Variants in GRIK2 observed in about 807,000 individuals in gnomAD.
GRIK2 encodes the protein glutamate ionotropic receptor kainate type subunit 2.
In GRIK2, 32 loss-of-function variants were observed where a neutral mutation model predicts 100.3. That is an observed-to-expected ratio of 0.32 (90% confidence interval 0.24 to 0.43). The LOEUF (loss-of-function observed/expected upper bound fraction) is 0.43, where lower values mean the gene tolerates loss of function less well. Ranked by LOEUF, GRIK2 falls within the 20% of genes least tolerant of loss-of-function variation. The probability of loss-of-function intolerance (pLI) is 1.00; values close to 1 mark genes in which losing one functional copy is unlikely to be tolerated. For synonymous variants in GRIK2, 417 were observed against 389.4 expected, an observed-to-expected ratio of 1.07 and a Z score of -0.83; for missense variants, 843 against 1,114.9, an observed-to-expected ratio of 0.76 and a Z score of 3.47.
In GRIK2 at chr6:101,841,096, C is replaced by A. The variant is rs188152035; in HGVS notation, c.1318-18191C>A. ...TTACATTGTTGGCAAGTATGATACT[C>A]CCTGACCTTGAAGAGAAACAAAACA... On this transcript the variant is annotated intron_variant, in intron 10 of 16. Coordinates refer to ENST00000369134, the MANE Select transcript of GRIK2 (RefSeq NM_021956.5). 1.3e-3 allele frequency among the ~76,000 whole-genome samples: 191 copies of A among 151,646 alleles called. 3 individuals carry two copies. The highest frequency in any genetic ancestry group is 4.5e-3 in the African/African-American group (183 of 40,970).
rs150512125 is a variant in GRIK2, at chr6:101,495,566, A to G, written c.115+96174A>G. 1.9e-3 allele frequency among the ~76,000 whole-genome samples: 293 copies of G among 152,242 alleles called. 2 individuals are homozygous for G. The highest frequency in any genetic ancestry group is 7.0e-3 in the African/African-American group (289 of 41,576). On this transcript the variant is annotated intron_variant, in intron 2 of 16. Transcript: ENST00000369134. ...CAGATAAAATTGGATTGGTTTCCAT[A>G]CATTATGCAAAGTTTGTTGACTTCC...
At position 101,924,616 on chromosome 6, in the gene GRIK2, G is replaced by A. The variant is rs1251348389; in HGVS notation, c.1764G>A (p.Glu588=). Residue 588 remains glutamate (E), a synonymous_variant, in exon 13 of 17, where the codon GAG becomes GAA. Transcript: ENST00000369134. The part of the protein sequence containing the change: ...LFVIARFSPY[E]WYNPHPCNPD... ...ATTACCACAGGTTTAGTCCTTATGAGTGGTATAATCCACACCCTTGCAACC... is the reference window on the plus strand; with the variant it reads ...ATTACCACAGGTTTAGTCCTTATGAATGGTATAATCCACACCCTTGCAACC... The A allele has an allele frequency of 1.3e-6, 2 of 1,562,306 alleles. No homozygotes were observed. Among genetic ancestry groups the A allele is most frequent in the Admixed American group, 1.7e-5 (1 of 59,920 alleles).
At chr6:101,811,840 CAAAT>C (rs1299439828) in intron 9 of GRIK2, among the ~76,000 whole-genome samples, 4 of 150,890 alleles carry the variant, frequency 2.7e-5, no homozygotes, top group Admixed American at 1.3e-4. Flanking sequence ...CAAAAATAAA[CAAAT>C]AAACAATAAA....
chr6:101,824,972 A>G lies in GRIK2; in HGVS notation c.1317+6489A>G, dbSNP rs185849831. Among the ~76,000 whole-genome samples the G allele has an allele frequency of 2.3e-3, 348 of 152,260 alleles. 1 individual carries two copies. Among genetic ancestry groups the G allele is most frequent in the Middle Eastern group, 6.8e-3 (2 of 294 alleles). Reference sequence around the variant, plus strand: ...CTTCTTCTATAATATCAACAAAAGCAGTTTTTTTCTAAGGCTTCAAATCTG... The same window carrying G: ...CTTCTTCTATAATATCAACAAAAGCGGTTTTTTTCTAAGGCTTCAAATCTG... On this transcript the variant is annotated intron_variant, in intron 10 of 16. Coordinates refer to ENST00000369134, the MANE Select transcript of GRIK2 (RefSeq NM_021956.5).
At chr6:101,867,451 G>C (rs1236747909) in intron 11 of GRIK2, among the ~76,000 whole-genome samples, 1 of 151,766 alleles carries the variant, frequency 6.6e-6, no homozygotes, top group Non-Finnish European at 1.5e-5. Flanking sequence ...ACTGGTTTCA[G>C]TGACAAGGAT....
chr6:101,988,110 TGTGTGTGTGTGTGTGTGTGTGTGCGCGC>T (rs1371943789), intron 14 of GRIK2, among the ~76,000 whole-genome samples: 4 of 42,242 alleles, frequency 9.5e-5, no homozygotes, highest in Admixed American at 2.8e-4. Context: ...TGTGTGTGTG[TGTGTGTGTGTGTGTGTGTGTGTGCGCGC>T]GCGCGCGCGC....
rs147767616 is a variant in GRIK2, at chr6:101,896,416, G to C, written c.1748+6553G>C. Among the ~76,000 whole-genome samples, 1,206 of 151,756 alleles carry C rather than the reference G, an allele frequency of 7.9e-3. 21 individuals are homozygous for C. The highest frequency in any genetic ancestry group is 0.027 in the African/African-American group (1,140 of 41,480). ...TGAGAAAAAATTGAGTAAGACAAAG[G>C]CAATTTAAAATTAATGTGCTTTTTC... is the stretch of plus-strand genomic sequence containing the variant. On this transcript the variant is annotated intron_variant, in intron 12 of 16. Coordinates refer to ENST00000369134, the MANE Select transcript of GRIK2 (RefSeq NM_021956.5).
At chr6:101,442,382 T>C (rs969926301) in intron 2 of GRIK2, among the ~76,000 whole-genome samples, 2 of 151,866 alleles carry the variant, frequency 1.3e-5, no homozygotes, top group Non-Finnish European at 1.5e-5. Flanking sequence ...CAGGCTCCTT[T>C]CCCCCTGCAA....
At chr6:101,618,479 T>G (rs756470547) in intron 2 of GRIK2, among the ~76,000 whole-genome samples, 3 of 151,798 alleles carry the variant, frequency 2.0e-5, no homozygotes, top group Non-Finnish European at 3.0e-5. Context: ...TTAATTCTAT[T>G]TATGCATTTT....
chr6:101,824,542 G>A lies in GRIK2; in HGVS notation c.1317+6059G>A, dbSNP rs145164087. On this transcript the variant is annotated intron_variant, in intron 10 of 16. Transcript: ENST00000369134. ...TGTTGAGTGTTTCTCATTGTGCTAT[G>A]CCTGTATAATAATTAATTTTTGTCC... 1.9e-3 allele frequency among the ~76,000 whole-genome samples: 283 copies of A among 152,206 alleles called. 1 individual carries two copies. Among genetic ancestry groups the A allele is most frequent in the African/African-American group, 6.6e-3 (274 of 41,532 alleles).
At chr6:101,683,960 T>C (rs367924433) in intron 6 of GRIK2, among the ~76,000 whole-genome samples, 90 of 152,334 alleles carry the variant, frequency 5.9e-4, no homozygotes, top group African/African-American at 2.1e-3. Flanking sequence ...CTTGAAATTC[T>C]TCCAGTTAGT....
At position 101,457,293 on chromosome 6, in the gene GRIK2, T is replaced by A. The variant is rs183446804; in HGVS notation, c.115+57901T>A. Among the ~76,000 whole-genome samples the A allele has an allele frequency of 6.8e-4, 104 of 152,266 alleles. 1 individual carries two copies. In the East Asian group the frequency reaches 0.017, roughly 25 times the overall value. ...TGGTAAACTTGGTGAGGAATAAGCATATGTTGATAAATTTGCACCTCTCTT... is the reference window on the plus strand; with the variant it reads ...TGGTAAACTTGGTGAGGAATAAGCAAATGTTGATAAATTTGCACCTCTCTT... On this transcript the variant is annotated intron_variant, in intron 2 of 16. Transcript: ENST00000369134.
At chr6:101,805,314 A>C (rs1286224621) in intron 9 of GRIK2, among the ~76,000 whole-genome samples, 1 of 78,254 alleles carries the variant, frequency 1.3e-5, no homozygotes, top group Non-Finnish European at 2.1e-5. Flanking sequence ...TCATCACCTT[A>C]AAAAAAAAAA....
chr6:101,892,685 G>T (rs1396255609), intron 12 of GRIK2, among the ~76,000 whole-genome samples: 1 of 151,642 alleles, frequency 6.6e-6, no homozygotes, highest in Non-Finnish European at 1.5e-5. Flanking sequence ...ATCATTTATG[G>T]GTGAATTAAT....
chr6:101,579,849 TA>T (rs756184787), intron 2 of GRIK2, among the ~76,000 whole-genome samples: 3,126 of 128,872 alleles, frequency 0.024, 85 homozygotes, highest in African/African-American at 0.07. Flanking sequence ...GACTGTGTCT[TA>T]AAAAAAAAAA....
At chr6:102,041,088 CAT>C (rs1474087369) in intron 15 of GRIK2, among the ~76,000 whole-genome samples, 1 of 151,552 alleles carries the variant, frequency 6.6e-6, no homozygotes, top group African/African-American at 2.4e-5. Context: ...TCACTGAAAA[CAT>C]AAGCATCTCA....
intron 7 of GRIK2, among the ~76,000 whole-genome samples, chr6:101,782,056 G>A (rs1054210624): frequency 6.6e-6 from 1 of 152,042 alleles, no homozygotes; most frequent in African/African-American, 2.4e-5. Flanking sequence ...ACATATTTAT[G>A]GAGTACATGT....
intron 14 of GRIK2, among the ~76,000 whole-genome samples, chr6:101,931,103 A>G (rs1017413605): frequency 1.3e-5 from 2 of 152,136 alleles, no homozygotes; most frequent in Non-Finnish European, 2.9e-5. Flanking sequence ...TATTTTTGGT[A>G]TTTTAATGTA....
chr6:101,996,735 T>C (rs1794670110), intron 14 of GRIK2, among the ~76,000 whole-genome samples: 1 of 152,118 alleles, frequency 6.6e-6, no homozygotes, highest in African/African-American at 2.4e-5. Flanking sequence ...GTAGTTGGCC[T>C]TAAAATCCTG....
Sources: gnomAD v4.1 joint callset for allele counts (sites outside exome capture counted in the v4.1 genomes callset) on GRCh38, gnomAD v4.1.1 for gene constraint, MANE v1.5 for transcripts, NCBI Gene and HGNC (gene_info 2026-07-23, HGNC 2026-07-21) for gene names.